Variants in PSTPIP2 observed in about 807,000 individuals in gnomAD.
PSTPIP2 encodes proline-serine-threonine phosphatase interacting protein 2.
Under a neutral mutation model 63.3 loss-of-function variants are expected in PSTPIP2, and 33 were observed. The observed-to-expected ratio is 0.52, with a 90% CI of 0.40 to 0.70. PSTPIP2 has a LOEUF of 0.70. PSTPIP2 is among the 30% of genes least tolerant of loss of function. The pLI, the probability that PSTPIP2 is intolerant of heterozygous loss-of-function variation, is 0.00. For missense variants in PSTPIP2, 312 were observed against 400.7 expected, an observed-to-expected ratio of 0.78 and a Z score of 1.89; for synonymous variants, 125 against 132.7, an observed-to-expected ratio of 0.94 and a Z score of 0.40.
chr18:46,068,565 T>C (rs1287527848), intron 1 of PSTPIP2, among the ~76,000 whole-genome samples: 1 of 151,666 alleles, frequency 6.6e-6, no homozygotes, highest in Non-Finnish European at 1.5e-5. Context: ...CCCAAAGTGC[T>C]GGGATTACAG....
At position 45,989,970 on chromosome 18, in the gene PSTPIP2, G is replaced by A. The variant is rs180945962; in HGVS notation, c.955+752C>T. 1.4e-4 allele frequency: 21 copies of A among 152,366 alleles called. 1 individual carries two copies. The highest frequency in any genetic ancestry group is 1.2e-3 in the Admixed American group (18 of 15,298). 9.4% of individuals were successfully genotyped at this position (152,366 alleles called of 1,614,324 possible). A position where few individuals can be genotyped will look rare whatever the true frequency, so the allele number is the denominator to read the frequency against. On this transcript the variant is annotated intron_variant, in intron 13 of 14. Transcript: ENST00000409746. ...CCATACAACTAATAAGAAGTGCTAAGATGTGTACTTCTCCCAGAGATATCA... is the reference window on the plus strand; with the variant it reads ...CCATACAACTAATAAGAAGTGCTAAAATGTGTACTTCTCCCAGAGATATCA...
intron 1 of PSTPIP2, among the ~76,000 whole-genome samples, chr18:46,054,308 T>C (rs369832939): frequency 6.6e-6 from 1 of 152,082 alleles, no homozygotes; most frequent in Admixed American, 6.6e-5. Context: ...AAGGCAAAAC[T>C]ATAGAGATTG....
At chr18:46,027,059 C>A (rs1907602599) in intron 2 of PSTPIP2, among the ~76,000 whole-genome samples, 1 of 151,816 alleles carries the variant, frequency 6.6e-6, no homozygotes, top group African/African-American at 2.4e-5. Context: ...CTTTGGGAGG[C>A]CAAGGCGGTG....
In PSTPIP2 at chr18:46,015,894, A is replaced by AG. The variant is rs755007559; in HGVS notation, c.247+8_247+9insC. 6.3e-7 allele frequency: 1 copy of AG among 1,598,704 alleles called. No individual in the cohort carries two copies. The highest frequency in any genetic ancestry group is 1.1e-5 in the South Asian group (1 of 90,290). Reference sequence around the variant, plus strand: ...AGTGAATACATTTTTTAAAAAAAAAATCACTTACGCTGCTTGAAGACTTCA... The same window carrying AG: ...AGTGAATACATTTTTTAAAAAAAAAAGTCACTTACGCTGCTTGAAGACTTCA... On this transcript the variant is annotated intron_variant, in intron 4 of 14. Coordinates refer to ENST00000409746, the MANE Select transcript of PSTPIP2 (RefSeq NM_024430.4).
At chr18:46,064,763 G>C (rs1213224636) in intron 1 of PSTPIP2, among the ~76,000 whole-genome samples, 1 of 152,118 alleles carries the variant, frequency 6.6e-6, no homozygotes, top group Non-Finnish European at 1.5e-5. Context: ...GCAATGATGA[G>C]TTCTGTCTTG....
In PSTPIP2 at chr18:46,045,671, G is replaced by GTAAA. The variant is rs140184557; in HGVS notation, c.34-5628_34-5625dup. On this transcript the variant is annotated intron_variant, in intron 1 of 14. Transcript: ENST00000409746. ...AAACTTAAAGTATAACAATAATAAA[G>GTAAA]TAAATAAATAAATAAATAAATAAAT... Among the ~76,000 whole-genome samples the GTAAA allele has an allele frequency of 2.4e-3, 357 of 151,260 alleles. 1 individual carries two copies. Among genetic ancestry groups the GTAAA allele is most frequent in the African/African-American group, 7.5e-3 (310 of 41,260 alleles).
Position 46,014,626 on chromosome 18 carries a change from T to A in PSTPIP2, c.247+1277A>T, listed in dbSNP as rs552736849. Among the ~76,000 whole-genome samples the A allele has an allele frequency of 2.6e-5, 4 of 152,186 alleles. No individual in the cohort carries two copies. The South Asian group carries it at 8.3e-4, about 32-fold the overall frequency. ...TACTCAGAAGGCTGAGCCTGGAGGATCGCTTAACCCTGGGAGTGTGAGGCT... is the reference window on the plus strand; with the variant it reads ...TACTCAGAAGGCTGAGCCTGGAGGAACGCTTAACCCTGGGAGTGTGAGGCT... On this transcript the variant is annotated intron_variant, in intron 4 of 14. Transcript: ENST00000409746.
At chr18:46,045,409 G>T (rs1908347706) in intron 1 of PSTPIP2, among the ~76,000 whole-genome samples, 1 of 151,184 alleles carries the variant, frequency 6.6e-6, no homozygotes, top group African/African-American at 2.4e-5. Flanking sequence ...ACTATCGTAA[G>T]AACAAAAAAC....
intron 7 of PSTPIP2, 98 bp downstream of exon 7, chr18:45,999,338 T>C: frequency 8.8e-7 from 1 of 1,132,446 alleles, no homozygotes; most frequent in South Asian, 1.3e-5. Flanking sequence ...TTTCCAGGGG[T>C]TTAGGATACA....
intron 2 of PSTPIP2, among the ~76,000 whole-genome samples, chr18:46,032,440 A>G (rs951819920): frequency 1.3e-5 from 2 of 152,098 alleles, no homozygotes; most frequent in Admixed American, 1.3e-4. Context: ...GGAATAATCC[A>G]TGTGCCATTT....
chr18:46,069,645 T>A (rs963601010), intron 1 of PSTPIP2, among the ~76,000 whole-genome samples: 3 of 152,212 alleles, frequency 2.0e-5, no homozygotes, highest in Non-Finnish European at 2.9e-5. Context: ...AATAAATATT[T>A]TCATGAAGCA....
At chr18:46,009,503 C>A (rs2051772656) in intron 5 of PSTPIP2, among the ~76,000 whole-genome samples, 1 of 151,882 alleles carries the variant, frequency 6.6e-6, no homozygotes, top group Admixed American at 6.6e-5. Flanking sequence ...TATTATCCCA[C>A]TGCAGATGGC....
chr18:46,034,657 A>G (rs1472187396), intron 2 of PSTPIP2, among the ~76,000 whole-genome samples: 2 of 152,208 alleles, frequency 1.3e-5, no homozygotes, highest in Non-Finnish European at 2.9e-5. Flanking sequence ...TACTGGGCAC[A>G]GTGTACTGGT....
At chr18:46,028,202 A>G (rs1907653255) in intron 2 of PSTPIP2, 1 of 358,492 alleles carries the variant, frequency 2.8e-6, no homozygotes, top group Non-Finnish European at 5.6e-6. Context: ...GTTTCACGCG[A>G]GCGCCTGCGT....
chr18:46,042,264 A>G (rs1163251531), intron 1 of PSTPIP2, among the ~76,000 whole-genome samples: 4 of 152,152 alleles, frequency 2.6e-5, no homozygotes, highest in Admixed American at 2.6e-4. Context: ...GGCCTCCTCC[A>G]TACATACCCC....
At chr18:46,003,954 C>T (rs573028223) in intron 6 of PSTPIP2, among the ~76,000 whole-genome samples, 8 of 150,996 alleles carry the variant, frequency 5.3e-5, no homozygotes, top group African/African-American at 1.2e-4. Flanking sequence ...TTAGTAGAGT[C>T]GCGGTTTTGC....
intron 1 of PSTPIP2, among the ~76,000 whole-genome samples, chr18:46,055,672 C>T (rs1398203328): frequency 1.3e-5 from 2 of 152,132 alleles, no homozygotes; most frequent in Non-Finnish European, 2.9e-5. Flanking sequence ...CAAATCCTCT[C>T]CAAAATAACT....
chr18:46,065,106 T>C (rs1184534908), intron 1 of PSTPIP2, among the ~76,000 whole-genome samples: 2 of 141,440 alleles, frequency 1.4e-5, no homozygotes, highest in African/African-American at 5.4e-5. Flanking sequence ...GTCGTGCCAT[T>C]GCACTTCAGC....
Position 46,065,160 on chromosome 18 carries a change from A to G in PSTPIP2, c.33+6996T>C, listed in dbSNP as rs866468536. Among the ~76,000 whole-genome samples, 903 of 150,292 alleles carry G rather than the reference A, an allele frequency of 6.0e-3. 12 individuals are homozygous for G. The highest frequency in any genetic ancestry group is 0.028 in the Admixed American group (414 of 15,024). On this transcript the variant is annotated intron_variant, in intron 1 of 14. Coordinates refer to ENST00000409746, the MANE Select transcript of PSTPIP2 (RefSeq NM_024430.4). ...ACTCTGTCTCAAAAAAAAAAAAAAAAAAAAGAAAAGAAAAGAAAAGAAAAC... is the reference window on the plus strand; with the variant it reads ...ACTCTGTCTCAAAAAAAAAAAAAAAGAAAAGAAAAGAAAAGAAAAGAAAAC...
Sources: allele counts gnomAD v4.1 joint callset (sites outside exome capture counted in the v4.1 genomes callset), GRCh38; gene constraint gnomAD v4.1.1; transcripts MANE v1.5; gene names NCBI Gene and HGNC (gene_info 2026-07-23, HGNC 2026-07-21).